ERBB4: variants seen among roughly 807,000 people sequenced by gnomAD.
ERBB4 encodes the protein receptor tyrosine-protein kinase erbB-4.
In ERBB4, 42 loss-of-function variants were observed where a neutral mutation model predicts 158.0. The ratio of observed to expected loss-of-function variants is 0.27; its 90% CI spans 0.21 to 0.34. The LOEUF (loss-of-function observed/expected upper bound fraction) is 0.34, where lower values mean the gene tolerates loss of function less well. ERBB4 is among the 10% of genes least tolerant of loss of function. The pLI, the probability that ERBB4 is intolerant of heterozygous loss-of-function variation, is 1.00. For missense variants in ERBB4, 1,333 were observed against 1,624.1 expected (o/e 0.82, Z 3.08); for synonymous variants, 583 against 558.7 (o/e 1.04, Z -0.61).
chr2:212,292,255 T>C (rs1026162906), intron 1 of ERBB4, among the ~76,000 whole-genome samples: 2 of 151,976 alleles, frequency 1.3e-5, no homozygotes, highest in African/African-American at 4.8e-5. Flanking sequence ...ACACTTCTAT[T>C]TGATAATTGG....
intron 20 of ERBB4, among the ~76,000 whole-genome samples, chr2:211,458,925 A>G (rs1290786217): frequency 6.6e-6 from 1 of 152,196 alleles, no homozygotes; most frequent in Non-Finnish European, 1.5e-5. Context: ...TATTGATTCA[A>G]CCAAATGCTC....
intron 3 of ERBB4, among the ~76,000 whole-genome samples, chr2:211,803,509 A>T (rs1172322909): frequency 6.6e-6 from 1 of 152,180 alleles, no homozygotes; most frequent in Non-Finnish European, 1.5e-5. Flanking sequence ...AGTGAGTAGA[A>T]CTATGGCAAA....
intron 25 of ERBB4, among the ~76,000 whole-genome samples, chr2:211,416,862 G>A (rs2063405108): frequency 6.6e-6 from 1 of 150,436 alleles, no homozygotes; most frequent in South Asian, 2.1e-4. Context: ...TCCTCTGCGG[G>A]CCTTTAAGTC....
At chr2:211,481,247 G>C (rs1243073738) in intron 20 of ERBB4, among the ~76,000 whole-genome samples, 1 of 151,678 alleles carries the variant, frequency 6.6e-6, no homozygotes, top group Non-Finnish European at 1.5e-5. Context: ...GATATGAAGA[G>C]ATGAAAAAAA....
At chr2:211,831,255 G>A (rs989367916) in intron 3 of ERBB4, among the ~76,000 whole-genome samples, 13 of 152,050 alleles carry the variant, frequency 8.5e-5, no homozygotes, top group African/African-American at 3.1e-4. Context: ...GACAACAAAG[G>A]CAACCCTCGT....
intron 3 of ERBB4, among the ~76,000 whole-genome samples, chr2:211,796,014 AC>A (rs1424313199): frequency 6.6e-6 from 1 of 151,928 alleles, no homozygotes; most frequent in African/African-American, 2.4e-5. Flanking sequence ...TTTTTAAGAA[AC>A]TTTTTAATTG....
intron 2 of ERBB4, among the ~76,000 whole-genome samples, chr2:212,007,899 T>C (rs563456459): frequency 1.3e-5 from 2 of 152,006 alleles, no homozygotes; most frequent in Non-Finnish European, 2.9e-5. Context: ...AGAAAATTGG[T>C]TTAATTCTTT....
chr2:211,951,091 T>A (rs2080862622), intron 2 of ERBB4, among the ~76,000 whole-genome samples: 1 of 152,128 alleles, frequency 6.6e-6, no homozygotes, highest in Non-Finnish European at 1.5e-5. Context: ...GGAGGGTGTA[T>A]TATGACTCTT....
intron 20 of ERBB4, among the ~76,000 whole-genome samples, chr2:211,559,157 C>T (rs1020108120): frequency 2.0e-5 from 3 of 152,098 alleles, no homozygotes; most frequent in African/African-American, 7.2e-5. Context: ...CCACTCATAG[C>T]TAATCAATAA....
chr2:212,109,872 C>T (rs922403933), intron 2 of ERBB4, among the ~76,000 whole-genome samples: 3 of 152,100 alleles, frequency 2.0e-5, no homozygotes, highest in Non-Finnish European at 4.4e-5. Context: ...ATAAATTCTA[C>T]AATGAAGATG....
At chr2:212,267,021 A>G (rs987885606) in intron 1 of ERBB4, among the ~76,000 whole-genome samples, 2 of 151,996 alleles carry the variant, frequency 1.3e-5, no homozygotes, top group Non-Finnish European at 2.9e-5. Flanking sequence ...AATTGAGCAG[A>G]TAAACAAATG....
intron 1 of ERBB4, among the ~76,000 whole-genome samples, chr2:212,192,032 T>TAC (rs2082273731): frequency 1.2e-4 from 1 of 8,516 alleles, no homozygotes; most frequent in Non-Finnish European, 2.8e-4. Flanking sequence ...TTATATATGT[T>TAC]ATATGTTATA....
At chr2:211,962,578 A>G (rs950058963) in intron 2 of ERBB4, among the ~76,000 whole-genome samples, 11 of 152,146 alleles carry the variant, frequency 7.2e-5, no homozygotes, top group Non-Finnish European at 1.6e-4. Context: ...GCTTTGATTT[A>G]TTTTGTAGAA....
intron 12 of ERBB4, among the ~76,000 whole-genome samples, chr2:211,685,555 A>G (rs1340414124): frequency 2.0e-5 from 3 of 152,290 alleles, no homozygotes; most frequent in Non-Finnish European, 4.4e-5. Context: ...TGTGGACTGA[A>G]TATTCCCATT....
intron 1 of ERBB4, among the ~76,000 whole-genome samples, chr2:212,503,837 T>TA (rs2106249966): frequency 6.6e-6 from 1 of 152,118 alleles, no homozygotes; most frequent in East Asian, 1.9e-4. Flanking sequence ...TTTTGCCAGT[T>TA]ACAGCCAGAG....
At chr2:212,489,139 G>A (rs1035819064) in intron 1 of ERBB4, among the ~76,000 whole-genome samples, 2 of 151,770 alleles carry the variant, frequency 1.3e-5, no homozygotes, top group Non-Finnish European at 2.9e-5. Context: ...TAATAGTTAA[G>A]TATAAAATAA....
In ERBB4 at chr2:212,536,813, T is replaced by C. The variant is rs574642371; in HGVS notation, c.82+1636A>G. Among the ~76,000 whole-genome samples, 88 of 152,180 alleles carry C rather than the reference T, an allele frequency of 5.8e-4. 1 individual carries two copies. Among genetic ancestry groups the C allele is most frequent in the South Asian group, 4.6e-3 (22 of 4,826 alleles). On this transcript the variant is annotated intron_variant, in intron 1 of 27. Transcript: ENST00000342788. Reference sequence around the variant, plus strand: ...CCCCCAGTAGGTCGCCTCGTAGAAATTCCTCTCGGCTAAGCCTGCATGTCG... The same window carrying C: ...CCCCCAGTAGGTCGCCTCGTAGAAACTCCTCTCGGCTAAGCCTGCATGTCG...
At chr2:211,843,415 G>GCA (rs10673889) in intron 3 of ERBB4, among the ~76,000 whole-genome samples, 39,955 of 149,782 alleles carry the variant, frequency 0.27, 5,725 homozygotes, top group East Asian at 0.42. Flanking sequence ...GCGTGCGTGT[G>GCA]CACACACACA....
intron 1 of ERBB4, among the ~76,000 whole-genome samples, chr2:212,225,331 GA>G (rs1278067698): frequency 6.6e-6 from 1 of 151,838 alleles, no homozygotes; most frequent in Non-Finnish European, 1.5e-5. Flanking sequence ...ATATGATAAG[GA>G]AAAAAATGTT....
Sources: allele counts gnomAD v4.1 joint callset (sites outside exome capture counted in the v4.1 genomes callset), GRCh38; gene constraint gnomAD v4.1.1; transcripts MANE v1.5; gene names NCBI Gene and HGNC (gene_info 2026-07-23, HGNC 2026-07-21).